The following COL22A1 variants were observed in gnomAD, a reference collection of about 807,000 sequenced individuals.
COL22A1 encodes the protein collagen alpha-1(XXII) chain.
In COL22A1, 221 loss-of-function variants were observed where a neutral mutation model predicts 248.9. The observed-to-expected ratio is 0.89, with a 90% confidence interval of 0.80 to 0.99. The LOEUF (loss-of-function observed/expected upper bound fraction) is 0.99. Among genes scored for constraint, COL22A1 ranks in the 50% least tolerant of loss-of-function variants. COL22A1 has a pLI of 0.00. For missense variants in COL22A1, 2,240 were observed against 2,179.0 expected (o/e 1.03, Z -0.56); for synonymous variants, 891 against 793.4 (o/e 1.12, Z -2.07).
intron 41 of COL22A1, among the ~76,000 whole-genome samples, chr8:138,672,100 A>G (rs917955520): frequency 6.6e-6 from 1 of 152,168 alleles, no homozygotes; most frequent in Admixed American, 6.5e-5. Flanking sequence ...CCCTGCTGGA[A>G]GAGTGGTTAA....
At chr8:138,817,642 A>G (rs1818781007) in intron 7 of COL22A1, among the ~76,000 whole-genome samples, 1 of 152,198 alleles carries the variant, frequency 6.6e-6, no homozygotes, top group Non-Finnish European at 1.5e-5. Flanking sequence ...GGTCGACCAT[A>G]TAATACAAAT....
chr8:138,697,226 C>T (rs1005348141), intron 32 of COL22A1, among the ~76,000 whole-genome samples: 3 of 152,172 alleles, frequency 2.0e-5, no homozygotes, highest in Non-Finnish European at 4.4e-5. Context: ...CTTCCATCTC[C>T]TCCCCACTGC....
chr8:138,649,413 G>C (rs1185980201), intron 46 of COL22A1, among the ~76,000 whole-genome samples: 2 of 152,176 alleles, frequency 1.3e-5, no homozygotes, highest in Non-Finnish European at 2.9e-5. Flanking sequence ...AACTGAATGA[G>C]TGTATGTTTC....
At chr8:138,732,156 G>A (rs76030500) in intron 23 of COL22A1, among the ~76,000 whole-genome samples, 2,206 of 151,960 alleles carry the variant, frequency 0.015, 44 homozygotes, top group African/African-American at 0.045. Context: ...ACTTTCTCCC[G>A]CCAAAAAATG....
At chr8:138,671,886 T>C (rs1337139847) in intron 41 of COL22A1, among the ~76,000 whole-genome samples, 1 of 152,252 alleles carries the variant, frequency 6.6e-6, no homozygotes, top group Non-Finnish European at 1.5e-5. Flanking sequence ...CTTTTTTCTC[T>C]AGCCTGCTTT....
Position 138,828,635 on chromosome 8 carries a change from T to A in COL22A1, c.846-1854A>T, listed in dbSNP as rs370589437. 1.5e-3 allele frequency among the ~76,000 whole-genome samples: 234 copies of A among 151,770 alleles called. 1 individual carries two copies. The highest frequency in any genetic ancestry group is 5.5e-3 in the African/African-American group (226 of 41,376). ...TTTCACATATTGCCTAATTTCTTCCTCACGAGAATCTATAAAGAAGGTATT... is the reference window on the plus strand; with the variant it reads ...TTTCACATATTGCCTAATTTCTTCCACACGAGAATCTATAAAGAAGGTATT... On this transcript the variant is annotated intron_variant, in intron 5 of 64. Transcript: ENST00000303045.
At chr8:138,774,244 G>C (rs560628800) in intron 16 of COL22A1, among the ~76,000 whole-genome samples, 1 of 152,006 alleles carries the variant, frequency 6.6e-6, no homozygotes, top group Non-Finnish European at 1.5e-5. Flanking sequence ...GCCAGTCCCC[G>C]CCTCCCTGAA....
intron 8 of COL22A1, 128 bp downstream of exon 8, chr8:138,812,811 C>G: frequency 1.3e-6 from 1 of 744,396 alleles, no homozygotes; most frequent in Non-Finnish European, 2.4e-6. Context: ...AGCTCCCTCT[C>G]AGGCCATATT....
intron 32 of COL22A1, among the ~76,000 whole-genome samples, chr8:138,697,807 T>C (rs1827629136): frequency 6.6e-6 from 1 of 152,246 alleles, no homozygotes; most frequent in African/African-American, 2.4e-5. Context: ...AGAATAACAC[T>C]TTCCAAATCC....
At chr8:138,713,524 G>A (rs552225499) in intron 30 of COL22A1, among the ~76,000 whole-genome samples, 7 of 152,320 alleles carry the variant, frequency 4.6e-5, no homozygotes, top group Admixed American at 3.9e-4. Context: ...AGGATCTTGT[G>A]TTTCAGACAA....
At chr8:138,839,653 G>A (rs564990919) in intron 4 of COL22A1, among the ~76,000 whole-genome samples, 1 of 152,252 alleles carries the variant, frequency 6.6e-6, no homozygotes, top group East Asian at 1.9e-4. Flanking sequence ...GATGGAAGAA[G>A]CAGTTGAATT....
At chr8:138,688,777 T>C (rs926249064) in intron 37 of COL22A1, 140 bp downstream of exon 37, 3 of 690,414 alleles carry the variant, frequency 4.3e-6, no homozygotes, top group Non-Finnish European at 5.2e-6. Context: ...GATGGCACAG[T>C]CTTCCTCTCC....
Position 138,807,934 on chromosome 8 carries a change from C to A in COL22A1, c.1450-122G>T, listed in dbSNP as rs1817866657. ...AATGGCTTAGTAAGCCCAGCGCCGA[C>A]CAATGAGTTGGGCAAGGAAATTGGT... On this transcript the variant is annotated intron_variant, in intron 9 of 64. Transcript: ENST00000303045. 4 of 929,832 alleles carry A rather than the reference C, an allele frequency of 4.3e-6. No individual in the cohort carries two copies. In the African/African-American group the frequency reaches 5.0e-5, roughly 12 times the overall value. The allele number at this position is 929,832 out of a possible 1,614,324, so 57.6% of individuals were successfully genotyped here.
chr8:138,589,204 A>G lies in COL22A1; in HGVS notation c.*49T>C. ...ACCTCTGGCTTCCCACTGGGCTCTGAGTTCAAGTTTCAGAAATCCACTGCA... is the reference window on the plus strand; with the variant it reads ...ACCTCTGGCTTCCCACTGGGCTCTGGGTTCAAGTTTCAGAAATCCACTGCA... On this transcript the variant is annotated 3_prime_UTR_variant, in exon 65 of 65. Transcript: ENST00000303045. The G allele has an allele frequency of 6.3e-7, 1 of 1,580,750 alleles. No homozygotes were observed. Among genetic ancestry groups the G allele is most frequent in the Non-Finnish European group, 8.7e-7 (1 of 1,155,648 alleles).
intron 3 of COL22A1, among the ~76,000 whole-genome samples, chr8:138,864,723 A>T (rs1822732409): frequency 6.6e-6 from 1 of 152,140 alleles, no homozygotes; most frequent in South Asian, 2.1e-4. Context: ...AGCCCAGATG[A>T]GCAGAGGCAA....
Position 138,591,418 on chromosome 8 carries a change from T to A in COL22A1, c.4693+6A>T, listed in dbSNP as rs762208196. 3.8e-6 allele frequency: 6 copies of A among 1,575,562 alleles called. No individual in the cohort carries two copies. In the South Asian group the frequency reaches 7.1e-5, roughly 19 times the overall value. On this transcript the variant is annotated splice_donor_region_variant and intron_variant, in intron 64 of 64. Transcript: ENST00000303045. ...CCTACCCCTGAGACTGCAGAATGAG[T>A]CATACCTGGGATTCCAGGGGGTCCC...
At chr8:138,694,684 C>T in intron 33 of COL22A1, 123 bp from the exon 34 acceptor site, 1 of 1,370,782 alleles carries the variant, frequency 7.3e-7, no homozygotes, top group Non-Finnish European at 1.0e-6. Context: ...AGCTAGCGTC[C>T]TGAGGAGAAG....
intron 22 of COL22A1, among the ~76,000 whole-genome samples, chr8:138,743,001 T>C (rs111162979): frequency 0.2 from 30,106 of 149,066 alleles, 3,545 homozygotes; most frequent in African/African-American, 0.31. Flanking sequence ...GAGTTGATGA[T>C]GATGGTAGTA....
chr8:138,664,192 GGT>G lies in COL22A1; in HGVS notation c.3151-454_3151-453del, dbSNP rs1564163806. Among the ~76,000 whole-genome samples, 165 of 85,116 alleles carry G rather than the reference GGT, an allele frequency of 1.9e-3. 4 individuals are homozygous for G. Among genetic ancestry groups the G allele is most frequent in the African/African-American group, 6.2e-3 (155 of 24,908 alleles). 55.8% of individuals were successfully genotyped at this position (85,116 alleles called of 152,430 possible). On this transcript the variant is annotated intron_variant, in intron 41 of 64. Coordinates refer to ENST00000303045, the MANE Select transcript of COL22A1 (RefSeq NM_152888.3). Reference sequence around the variant, plus strand: ...AGTCATGCTCCCTTCTCCAACAAGGGGTGCGCGCGCGCGCGCGCACACACACA... The same window carrying G: ...AGTCATGCTCCCTTCTCCAACAAGGGGCGCGCGCGCGCGCGCACACACACA...
Sources: allele counts gnomAD v4.1 joint callset (sites outside exome capture counted in the v4.1 genomes callset), GRCh38; gene constraint gnomAD v4.1.1; transcripts MANE v1.5; gene names NCBI Gene and HGNC (gene_info 2026-07-23, HGNC 2026-07-21).